IL7: variants seen among roughly 807,000 people sequenced by gnomAD.
IL7 encodes interleukin-7.
In IL7, 3 loss-of-function variants were observed where a neutral mutation model predicts 21.6. That is an observed-to-expected ratio of 0.14 (90% CI 0.06 to 0.36). The LOEUF is 0.36. Ranked by LOEUF, IL7 falls within the 10% of genes least tolerant of loss-of-function variation. The pLI is 1.00. For missense variants in IL7, 175 were observed against 200.2 expected (o/e 0.87, Z 0.76); for synonymous variants, 62 against 68.1 (o/e 0.91, Z 0.44).
In IL7 at chr8:78,766,838, A is replaced by G. The variant is rs181999360; in HGVS notation, c.148-26756T>C. On this transcript the variant is annotated intron_variant, in intron 2 of 5. Coordinates refer to ENST00000263851, the MANE Select transcript of IL7 (RefSeq NM_000880.4). ...GCATTTCTGTAGACTTAGTTCCCAA[A>G]AGTGAGATTTGCTGAATAAAATGGT... Among the ~76,000 whole-genome samples the G allele has an allele frequency of 3.3e-5, 5 of 152,206 alleles. No individual in the cohort carries two copies. The East Asian group carries it at 9.6e-4, about 29-fold the overall frequency.
chr8:78,709,126 A>C (rs1337085997), intron 3 of IL7, among the ~76,000 whole-genome samples: 1 of 152,234 alleles, frequency 6.6e-6, no homozygotes, highest in East Asian at 1.9e-4. Context: ...TCAATAGTGA[A>C]ACTATCAAAT....
chr8:78,770,236 T>A (rs1012810920), intron 2 of IL7, among the ~76,000 whole-genome samples: 8 of 152,162 alleles, frequency 5.3e-5, no homozygotes, highest in African/African-American at 1.9e-4. Context: ...CTGGCCTATC[T>A]GTGTCTTTAT....
chr8:78,712,273 T>A (rs1337738653), intron 3 of IL7, among the ~76,000 whole-genome samples: 1 of 152,206 alleles, frequency 6.6e-6, no homozygotes, highest in African/African-American at 2.4e-5. Context: ...TTTTGATTTT[T>A]AGTAAGCATT....
intron 3 of IL7, among the ~76,000 whole-genome samples, chr8:78,697,735 G>C (rs764855191): frequency 1.8e-4 from 27 of 149,586 alleles, no homozygotes; most frequent in Non-Finnish European, 3.0e-4. Context: ...TTTGAGTGCA[G>C]TGGTGGAATC....
rs898240259 is a variant in IL7, at chr8:78,760,893, C to A, written c.148-20811G>T. The A allele has an allele frequency of 5.0e-5, 78 of 1,557,706 alleles. No individual in the cohort carries two copies. In the African/African-American group the frequency reaches 9.2e-4, roughly 18 times the overall value. The stretch of plus-strand genomic sequence containing the variant: ...GAATGCAGTACTGCAGTCAAGCTAC[C>A]GGCTGCAAAGAAGACATCAGAGGTT... On this transcript the variant is annotated intron_variant, in intron 2 of 5. Transcript: ENST00000263851.
chr8:78,687,803 TTCATGTAATAA>T (rs1810061712), intron 3 of IL7, among the ~76,000 whole-genome samples: 1 of 136,510 alleles, frequency 7.3e-6, no homozygotes, highest in Non-Finnish European at 1.5e-5. Context: ...ATTATATATA[TTCATGTAATAA>T]ATATATATAT....
intron 2 of IL7, among the ~76,000 whole-genome samples, chr8:78,777,453 C>G (rs1292660329): frequency 6.6e-6 from 1 of 152,010 alleles, no homozygotes; most frequent in African/African-American, 2.4e-5. Flanking sequence ...CTCCAACTTG[C>G]AGTTTCTCCT....
chr8:78,781,333 G>A (rs762914317), intron 2 of IL7, among the ~76,000 whole-genome samples: 6 of 152,094 alleles, frequency 3.9e-5, no homozygotes, highest in Non-Finnish European at 4.4e-5. Context: ...GTACTTCAGT[G>A]TGTTTTTGTA....
chr8:78,766,189 T>C (rs1812747890), intron 2 of IL7, among the ~76,000 whole-genome samples: 1 of 152,092 alleles, frequency 6.6e-6, no homozygotes, highest in Admixed American at 6.6e-5. Context: ...AGTGGATGAA[T>C]AGGAGAGGCA....
At chr8:78,790,428 C>A (rs1813649832) in intron 2 of IL7, among the ~76,000 whole-genome samples, 1 of 151,954 alleles carries the variant, frequency 6.6e-6, no homozygotes, top group Admixed American at 6.6e-5. Context: ...GTTAAAAAAA[C>A]AGGCTTCCTA....
chr8:78,797,331 T>C (rs1226641288), intron 2 of IL7, among the ~76,000 whole-genome samples: 3 of 151,994 alleles, frequency 2.0e-5, no homozygotes, highest in Non-Finnish European at 2.9e-5. Context: ...GGATATGTGA[T>C]GGTATACATT....
chr8:78,679,898 A>C (rs1037673232), intron 4 of IL7, among the ~76,000 whole-genome samples: 9 of 152,308 alleles, frequency 5.9e-5, no homozygotes, highest in African/African-American at 1.9e-4. Context: ...CGTTTTTCTT[A>C]GTTACCTGCT....
At chr8:78,784,902 G>A (rs1813459435) in intron 2 of IL7, among the ~76,000 whole-genome samples, 1 of 151,954 alleles carries the variant, frequency 6.6e-6, no homozygotes, top group African/African-American at 2.4e-5. Flanking sequence ...AGGCTCATGA[G>A]TGTTCTATTG....
At position 78,679,550 on chromosome 8, in the gene IL7, C is replaced by CA. The variant is rs553907946; in HGVS notation, n.274-3447dup. ...TCATGGTTGACTGAATCCATGGATG[C>CA]ACAAGCCATGAATATGGAACCCATG... On this transcript the variant is annotated intron_variant and non_coding_transcript_variant, in intron 4 of 4. Coordinates refer to the IL7 transcript ENST00000523959. Among the ~76,000 whole-genome samples the CA allele has an allele frequency of 2.7e-3, 406 of 152,146 alleles. 3 individuals carry two copies. The highest frequency in any genetic ancestry group is 9.1e-3 in the African/African-American group (379 of 41,514).
chr8:78,791,642 A>C (rs1351081840), intron 2 of IL7, among the ~76,000 whole-genome samples: 1 of 152,166 alleles, frequency 6.6e-6, no homozygotes, highest in African/African-American at 2.4e-5. Context: ...TCTGTCTCTA[A>C]ATAAATCAAT....
chr8:78,746,819 T>C (rs1011925042), intron 2 of IL7: 1 of 346,718 alleles, frequency 2.9e-6, no homozygotes, highest in African/African-American at 2.2e-5. Flanking sequence ...TATTGCTTTT[T>C]AGATCAACTA....
At chr8:78,800,597 C>T (rs977043609) in intron 1 of IL7, among the ~76,000 whole-genome samples, 10 of 152,170 alleles carry the variant, frequency 6.6e-5, no homozygotes, top group Non-Finnish European at 1.5e-4. Flanking sequence ...ACAAGCCCGG[C>T]CATACCACAT....
At chr8:78,722,803 T>C (rs1237762262) in intron 3 of IL7, among the ~76,000 whole-genome samples, 1 of 151,868 alleles carries the variant, frequency 6.6e-6, no homozygotes, top group Non-Finnish European at 1.5e-5. Context: ...AATAGAACAT[T>C]GTCACTAAGG....
At chr8:78,723,484 T>C (rs1811285038) in intron 3 of IL7, among the ~76,000 whole-genome samples, 1 of 152,036 alleles carries the variant, frequency 6.6e-6, no homozygotes, top group South Asian at 2.1e-4. Flanking sequence ...AATAACGATC[T>C]ACCTAGTTTG....
Sources: allele counts gnomAD v4.1 joint callset (sites outside exome capture counted in the v4.1 genomes callset), GRCh38; gene constraint gnomAD v4.1.1; transcripts MANE v1.5; gene names NCBI Gene and HGNC (gene_info 2026-07-23, HGNC 2026-07-21).